TRIP11: variants seen among roughly 807,000 people sequenced by gnomAD.
TRIP11 encodes the protein thyroid hormone receptor interactor 11, also known as thyroid receptor-interacting protein 11.
TRIP11 carries 148 observed loss-of-function variants against 223.1 expected under a neutral mutation model. The ratio of observed to expected loss-of-function variants is 0.66; its 90% CI spans 0.58 to 0.76. The LOEUF is 0.76. Among genes scored for constraint, TRIP11 ranks in the 30% least tolerant of loss-of-function variants. The probability of loss-of-function intolerance (pLI) is 0.00; values close to 1 mark genes in which losing one functional copy is unlikely to be tolerated. For missense variants in TRIP11, 2,043 were observed against 2,222.0 expected (o/e 0.92, Z 1.62); for synonymous variants, 762 against 772.6 (o/e 0.99, Z 0.23).
chr14:92,005,326 C>T lies in TRIP11; in HGVS notation c.2650G>A (p.Asp884Asn). The change falls in exon 11 of 21, where the codon GAC becomes AAC. Residue 884 changes from aspartate (D) to asparagine (N), a missense_variant. By Grantham distance (23) the Asp-to-Asn change is conservative. Transcript: ENST00000267622. Reference protein sequence around the residue: ...EEQSRTAPVADPKTLDSVTEL... With the variant: ...EEQSRTAPVANPKTLDSVTEL... Reference sequence around the variant, plus strand: ...GTAACACTATCAAGGGTTTTAGGGTCAGCCACAGGTGCGGTTCGACTCTGC... The same window carrying T: ...GTAACACTATCAAGGGTTTTAGGGTTAGCCACAGGTGCGGTTCGACTCTGC... The T allele has an allele frequency of 6.2e-7, 1 of 1,614,160 alleles. No homozygotes were observed. Among genetic ancestry groups the T allele is most frequent in the Non-Finnish European group, 8.5e-7 (1 of 1,180,016 alleles).
intron 1 of TRIP11, among the ~76,000 whole-genome samples, chr14:92,034,392 C>T (rs2057301470): frequency 6.7e-6 from 1 of 148,514 alleles, no homozygotes; most frequent in Admixed American, 6.7e-5. Context: ...TACTGCACTC[C>T]AGCCTGGGTT....
chr14:91,994,012 A>T, intron 14 of TRIP11, 100 bp from the exon 15 acceptor site: 1 of 866,280 alleles, frequency 1.2e-6, no homozygotes, highest in East Asian at 2.6e-5. Context: ...AAACAGTTCA[A>T]ATGTCTCAAA....
chr14:91,981,012 A>ATTTTTTTTTTT (rs564098716), intron 16 of TRIP11, among the ~76,000 whole-genome samples: 2 of 49,930 alleles, frequency 4.0e-5, no homozygotes, highest in African/African-American at 6.7e-5. Context: ...ATATATATAT[A>ATTTTTTTTTTT]TTTTTTTTTT....
chr14:92,008,776 G>C (rs2056936581), intron 9 of TRIP11, among the ~76,000 whole-genome samples: 1 of 152,088 alleles, frequency 6.6e-6, no homozygotes, highest in Admixed American at 6.5e-5. Context: ...TGAGGCAGAA[G>C]GATTACTTGA....
rs1245487464 is a variant in TRIP11 at position 91,966,622 on chromosome 14, T to C, written c.*3051A>G. On this transcript the variant is annotated 3_prime_UTR_variant, in exon 21 of 21. Coordinates refer to ENST00000267622, the MANE Select transcript of TRIP11 (RefSeq NM_004239.4). ...CCTAAGGCTTTATTTGGGGAGATAC[T>C]GGACGTTTTAATTGACTAGTTGGAA... is the stretch of plus-strand genomic sequence containing the variant. 4.6e-6 allele frequency: 1 copy of C among 215,326 alleles called. No individual in the cohort carries two copies. The allele number at this position is 215,326 out of a possible 1,614,324, so 13.3% of individuals were successfully genotyped here.
chr14:91,995,450 T>TC lies in TRIP11; in HGVS notation c.4957dup (p.Asp1653GlyfsTer2). The stretch of plus-strand genomic sequence containing the variant: ...GACAGAAAGCTGCAGCGCAGTTTCA[T>TC]CCCTTTGCTTGGAAACTACATTCAA... On this transcript the variant is annotated frameshift_variant, in exon 14 of 21. Coordinates refer to ENST00000267622, the MANE Select transcript of TRIP11 (RefSeq NM_004239.4). LOFTEE classifies it high-confidence loss of function. 6.2e-7 allele frequency: 1 copy of TC among 1,614,152 alleles called. No homozygotes were observed. The highest frequency in any genetic ancestry group is 8.5e-7 in the Non-Finnish European group (1 of 1,180,022).
At chr14:91,989,585 T>G (rs2056647838) in intron 15 of TRIP11, among the ~76,000 whole-genome samples, 1 of 151,128 alleles carries the variant, frequency 6.6e-6, no homozygotes, top group Non-Finnish European at 1.5e-5. Context: ...TTCTCAAGTA[T>G]TCTCCCATGT....
chr14:91,999,575 GA>G lies in TRIP11; in HGVS notation c.4699-143del. ...ATACTGCAAAATGTATTTATGCTAG[GA>G]AAAAATTATCTTGAAATCATCTTGA... is the stretch of plus-strand genomic sequence containing the variant. On this transcript the variant is annotated intron_variant, in intron 12 of 20. Transcript: ENST00000267622. The G allele has an allele frequency of 2.2e-6, 2 of 925,660 alleles. 1 individual carries two copies. Among genetic ancestry groups the G allele is most frequent in the South Asian group, 3.1e-5 (2 of 64,144 alleles). The allele number at this position is 925,660 out of a possible 1,614,324, so 57.3% of individuals were successfully genotyped here.
At chr14:92,018,909 C>T (rs2057072160) in intron 4 of TRIP11, among the ~76,000 whole-genome samples, 1 of 143,244 alleles carries the variant, frequency 7.0e-6, no homozygotes, top group Admixed American at 7.3e-5. Flanking sequence ...TGCAGTGAGC[C>T]GAGATCCCAC....
At position 92,004,247 on chromosome 14, in the gene TRIP11, C is replaced by CT; in HGVS notation, c.3728dup (p.Glu1244GlyfsTer13). On this transcript the variant is annotated frameshift_variant, in exon 11 of 21. Transcript: ENST00000267622. LOFTEE classifies it high-confidence loss of function. ...GTGCTTGAAGTTGGTGAAGCTCTTC[C>CT]TGAAGCTGGGCTGACTCGTGTTGCA... The CT allele has an allele frequency of 1.9e-6, 3 of 1,614,142 alleles. No homozygotes were observed. Among genetic ancestry groups the CT allele is most frequent in the Non-Finnish European group, 2.5e-6 (3 of 1,180,028 alleles).
At position 91,969,762 on chromosome 14, in the gene TRIP11, T is replaced by C. The variant is rs376170657; in HGVS notation, c.5851A>G (p.Ile1951Val). 4 of 1,614,028 alleles carry C rather than the reference T, an allele frequency of 2.5e-6. No individual in the cohort carries two copies. Among genetic ancestry groups the C allele is most frequent in the African/African-American group, 2.7e-5 (2 of 75,024 alleles). ...GGPGHLLLKP[I>V]SDVLPTFTPL... ...GTAAATGTGGGCAAAACATCTGAGA[T>C]GGGTTTCAGAAGAAGATGCCCGGGC... Residue 1951 changes from isoleucine (I) to valine (V), a missense_variant, in exon 21 of 21, where the codon ATC becomes GTC. Transcript: ENST00000267622.
chr14:92,035,853 G>A (rs2057320328), intron 1 of TRIP11, among the ~76,000 whole-genome samples: 1 of 152,084 alleles, frequency 6.6e-6, no homozygotes, highest in Admixed American at 6.5e-5. Context: ...CTCCCAAAGG[G>A]CTGGGATTAC....
Position 92,037,266 on chromosome 14 carries a change from A to C in TRIP11, c.139+2281T>G, listed in dbSNP as rs1391753937. The stretch of plus-strand genomic sequence containing the variant: ...GCATCAGGAAAACAGATAAATTATA[A>C]CTCAACATGTTAAATGCTGTCAGGG... On this transcript the variant is annotated intron_variant, in intron 1 of 20. Coordinates refer to ENST00000267622, the MANE Select transcript of TRIP11 (RefSeq NM_004239.4). The surrounding 1 kb of genome is among the most constrained non-coding windows in gnomAD (Gnocchi z 4.2). Among the ~76,000 whole-genome samples the C allele has an allele frequency of 6.6e-6, 1 of 152,164 alleles. No individual in the cohort carries two copies. The highest frequency in any genetic ancestry group is 1.5e-5 in the Non-Finnish European group (1 of 68,044).
chr14:92,029,894 A>G (rs893966732), intron 2 of TRIP11, among the ~76,000 whole-genome samples: 2 of 151,432 alleles, frequency 1.3e-5, no homozygotes, highest in African/African-American at 4.9e-5. Flanking sequence ...AGAATTTTCT[A>G]AAAGTCAAGA....
At chr14:92,026,357 TATTAA>T (rs1314036910) in intron 2 of TRIP11, among the ~76,000 whole-genome samples, 1 of 152,222 alleles carries the variant, frequency 6.6e-6, no homozygotes, top group African/African-American at 2.4e-5. Flanking sequence ...TGTACCTAAA[TATTAA>T]ATTATCTTAA....
Position 92,039,474 on chromosome 14 carries a change from G to A in TRIP11, c.139+73C>T. The A allele has an allele frequency of 5.2e-6, 8 of 1,549,276 alleles. No homozygotes were observed. The South Asian group carries it at 6.8e-5, about 13-fold the overall frequency. On this transcript the variant is annotated intron_variant, in intron 1 of 20. Coordinates refer to ENST00000267622, the MANE Select transcript of TRIP11 (RefSeq NM_004239.4). ...TGCGACCTGTCCGCGTCTCCTGACTGATGGAAGTAGGGACCAAACGGACGT... is the reference window on the plus strand; with the variant it reads ...TGCGACCTGTCCGCGTCTCCTGACTAATGGAAGTAGGGACCAAACGGACGT...
chr14:91,988,503 C>T, intron 15 of TRIP11, 120 bp from the exon 16 acceptor site: 1 of 827,114 alleles, frequency 1.2e-6, no homozygotes, highest in Admixed American at 2.2e-5. Context: ...CCTCTATGAC[C>T]TTGGGCAAAT....
intron 9 of TRIP11, among the ~76,000 whole-genome samples, chr14:92,008,795 G>T (rs1311148721): frequency 2.6e-5 from 4 of 152,092 alleles, no homozygotes; most frequent in Admixed American, 2.6e-4. Context: ...GAGCCAAGGA[G>T]TTCAAGGCTG....
At chr14:92,021,069 C>CAAAA (rs1195189927) in intron 4 of TRIP11, among the ~76,000 whole-genome samples, 7 of 65,254 alleles carry the variant, frequency 1.1e-4, no homozygotes, top group East Asian at 6.3e-4. Flanking sequence ...GACTCTGTCT[C>CAAAA]AAAAAAAAAA....
Sources: allele counts gnomAD v4.1 joint callset (sites outside exome capture counted in the v4.1 genomes callset), GRCh38; gene constraint gnomAD v4.1.1; non-coding constraint Gnocchi (gnomAD v3.1); transcripts MANE v1.5; gene names NCBI Gene and HGNC (gene_info 2026-07-23, HGNC 2026-07-21).